Variants in TMEM117 observed in about 807,000 individuals in gnomAD.
TMEM117 encodes the protein transmembrane protein 117.
Under a neutral mutation model 52.4 loss-of-function variants are expected in TMEM117, and 27 were observed. The observed-to-expected ratio is 0.51, with a 90% confidence interval of 0.38 to 0.71. TMEM117 has a LOEUF of 0.71. TMEM117 is among the 30% of genes least tolerant of loss of function. The pLI, the probability that TMEM117 is intolerant of heterozygous loss-of-function variation, is 0.00. For synonymous variants in TMEM117, 215 were observed against 206.3 expected (o/e 1.04, Z -0.36); for missense variants, 556 against 630.5 (o/e 0.88, Z 1.26).
intron 4 of TMEM117, among the ~76,000 whole-genome samples, chr12:44,152,026 T>C (rs1435116264): frequency 1.7e-5 from 2 of 119,374 alleles, no homozygotes; most frequent in African/African-American, 3.3e-5. Flanking sequence ...TATATTTAAA[T>C]ATGTAATATA....
At chr12:43,925,641 G>A (rs1944766840) in intron 2 of TMEM117, among the ~76,000 whole-genome samples, 1 of 152,096 alleles carries the variant, frequency 6.6e-6, no homozygotes, top group Admixed American at 6.5e-5. Context: ...TAAAATGAAG[G>A]TGAATTACGT....
chr12:44,000,896 C>T (rs531541043), intron 3 of TMEM117, among the ~76,000 whole-genome samples: 7 of 152,214 alleles, frequency 4.6e-5, no homozygotes, highest in Middle Eastern at 3.4e-3. Flanking sequence ...GAGATGATTC[C>T]TGGGTGTTGA....
intron 4 of TMEM117, among the ~76,000 whole-genome samples, chr12:44,197,061 C>G (rs1465192213): frequency 6.6e-6 from 1 of 152,170 alleles, no homozygotes; most frequent in Admixed American, 6.5e-5. Context: ...GGCAGGCTAC[C>G]TAGTGGTGCA....
At chr12:44,083,230 A>G (rs1947511154) in intron 3 of TMEM117, among the ~76,000 whole-genome samples, 1 of 152,126 alleles carries the variant, frequency 6.6e-6, no homozygotes, top group South Asian at 2.1e-4. Context: ...CAAATGTTCA[A>G]CTTGGATATT....
the TMEM117 span, chr12:43,799,544 G>T: frequency 1.2e-4 from 140 of 1,180,124 alleles, no homozygotes; most frequent in Non-Finnish European, 1.6e-4. Flanking sequence ...TTCTCTAGAA[G>T]TAAAATGACA....
At chr12:43,975,076 GTCTGCCTTGTAACTCA>G (rs1592407555) in intron 3 of TMEM117, among the ~76,000 whole-genome samples, 1 of 152,110 alleles carries the variant, frequency 6.6e-6, no homozygotes, top group Non-Finnish European at 1.5e-5. Flanking sequence ...GCTACCACTT[GTCTGCCTTGTAACTCA>G]TCTTTTCCAT....
intron 7 of TMEM117, among the ~76,000 whole-genome samples, chr12:44,383,982 C>A (rs1009835626): frequency 6.6e-6 from 1 of 152,056 alleles, no homozygotes; most frequent in Non-Finnish European, 1.5e-5. Flanking sequence ...ATCAAAGAAA[C>A]TTTTAGGGCT....
chr12:44,018,956 C>T (rs1431012110), intron 3 of TMEM117, among the ~76,000 whole-genome samples: 1 of 152,022 alleles, frequency 6.6e-6, no homozygotes, highest in Non-Finnish European at 1.5e-5. Flanking sequence ...CCTGCCTCAG[C>T]CTCTCAAAGT....
At chr12:44,376,327 G>A (rs904485298) in intron 6 of TMEM117, 2 of 458,720 alleles carry the variant, frequency 4.4e-6, no homozygotes, top group Non-Finnish European at 7.9e-6. Context: ...ATAAACATGT[G>A]TAGATGCAAA....
intron 4 of TMEM117, among the ~76,000 whole-genome samples, chr12:44,145,343 A>G (rs1168242618): frequency 6.6e-6 from 1 of 152,156 alleles, no homozygotes; most frequent in Non-Finnish European, 1.5e-5. Flanking sequence ...TAAGATGGAA[A>G]AGATAACTAG....
intron 3 of TMEM117, among the ~76,000 whole-genome samples, chr12:43,965,259 G>T (rs528668835): frequency 6.6e-6 from 1 of 152,332 alleles, no homozygotes; most frequent in Admixed American, 6.5e-5. Flanking sequence ...ATAAGGAAAA[G>T]AATTAAGTTG....
chr12:44,396,684 T>C, the TMEM117 span, among the ~76,000 whole-genome samples: 3 of 151,924 alleles, frequency 2.0e-5, no homozygotes, highest in Non-Finnish European at 2.9e-5. Flanking sequence ...TGAAACTCTG[T>C]CTCTACTGAA....
the TMEM117 span, among the ~76,000 whole-genome samples, chr12:43,818,243 A>G: frequency 6.6e-6 from 1 of 152,148 alleles, no homozygotes; most frequent in Non-Finnish European, 1.5e-5. Context: ...AGTGCATCAA[A>G]TTTCCTGTGA....
intron 3 of TMEM117, among the ~76,000 whole-genome samples, chr12:44,076,918 A>G (rs754894144): frequency 1.3e-5 from 2 of 152,176 alleles, no homozygotes; most frequent in Admixed American, 6.6e-5. Context: ...AGTTTGGGCC[A>G]TTAGAATGAA....
intron 6 of TMEM117, among the ~76,000 whole-genome samples, chr12:44,364,646 G>A (rs1951765813): frequency 6.6e-6 from 1 of 151,892 alleles, no homozygotes; most frequent in Non-Finnish European, 1.5e-5. Context: ...TTAAGTGAAG[G>A]GCTTCTTGTA....
chr12:43,856,543 C>G (rs1342922940), intron 2 of TMEM117, among the ~76,000 whole-genome samples: 1 of 152,216 alleles, frequency 6.6e-6, no homozygotes, highest in Non-Finnish European at 1.5e-5. Context: ...CCTCCTCCCT[C>G]TCCAAACCAC....
At chr12:44,240,299 G>C (rs907185276) in intron 5 of TMEM117, among the ~76,000 whole-genome samples, 1 of 152,090 alleles carries the variant, frequency 6.6e-6, no homozygotes, top group East Asian at 1.9e-4. Context: ...GAAGAAGGAA[G>C]GTGATTATGA....
At chr12:44,311,899 A>ATATG (rs1950994361) in intron 6 of TMEM117, among the ~76,000 whole-genome samples, 4 of 132,676 alleles carry the variant, frequency 3.0e-5, no homozygotes, top group African/African-American at 3.4e-5. Context: ...ATATATGTGT[A>ATATG]TATATATATG....
intron 4 of TMEM117, among the ~76,000 whole-genome samples, chr12:44,177,086 A>G (rs776942726): frequency 2.6e-5 from 4 of 152,172 alleles, no homozygotes; most frequent in Non-Finnish European, 4.4e-5. Flanking sequence ...GCTACAAACC[A>G]TTAAAGAAAT....
Sources: allele counts gnomAD v4.1 joint callset (sites outside exome capture counted in the v4.1 genomes callset), GRCh38; gene constraint gnomAD v4.1.1; transcripts MANE v1.5; gene names NCBI Gene and HGNC (gene_info 2026-07-23, HGNC 2026-07-21).